The following PCLO variants were observed in gnomAD, a reference collection of about 807,000 sequenced individuals.
PCLO encodes the protein piccolo presynaptic cytomatrix protein.
In PCLO, 82 loss-of-function variants were observed where a neutral mutation model predicts 427.5. The observed-to-expected ratio is 0.19, with a 90% confidence interval of 0.16 to 0.23. The LOEUF (loss-of-function observed/expected upper bound fraction) is 0.23, where lower values mean the gene tolerates loss of function less well. Among genes scored for constraint, PCLO ranks in the 10% least tolerant of loss-of-function variants. The probability of loss-of-function intolerance (pLI) is 1.00; values close to 1 mark genes in which losing one functional copy is unlikely to be tolerated. For missense variants in PCLO, 6,239 were observed against 6,115.9 expected, an observed-to-expected ratio of 1.02 and a Z score of -0.67; for synonymous variants, 2,357 against 2,155.4, an observed-to-expected ratio of 1.09 and a Z score of -2.59.
At chr7:83,068,031 T>C (rs2116341052) in intron 3 of PCLO, among the ~76,000 whole-genome samples, 1 of 152,348 alleles carries the variant, frequency 6.6e-6, no homozygotes. Context: ...TAGGTATACA[T>C]AAGAATTCTC....
chr7:82,812,039 T>C (rs1791582980), intron 20 of PCLO, among the ~76,000 whole-genome samples: 1 of 151,456 alleles, frequency 6.6e-6, no homozygotes, highest in Non-Finnish European at 1.5e-5. Context: ...CCTTAAGATA[T>C]GTCATATTCA....
At chr7:82,762,300 G>A (rs529636427) in intron 22 of PCLO, among the ~76,000 whole-genome samples, 23 of 152,062 alleles carry the variant, frequency 1.5e-4, no homozygotes, top group South Asian at 6.2e-4. Flanking sequence ...TAGGTGAGAC[G>A]GATTAGGAAG....
chr7:82,999,377 ATAT>A (rs1787721864), intron 3 of PCLO, among the ~76,000 whole-genome samples: 2 of 128,046 alleles, frequency 1.6e-5, no homozygotes, highest in African/African-American at 6.0e-5. Flanking sequence ...TATATATTAC[ATAT>A]TATTCCATTA....
intron 3 of PCLO, among the ~76,000 whole-genome samples, chr7:82,977,338 TTC>T (rs1202995971): frequency 1.3e-5 from 2 of 151,236 alleles, no homozygotes; most frequent in Non-Finnish European, 2.9e-5. Flanking sequence ...TTTTTCCTTT[TTC>T]TGTTTTTTCA....
intron 3 of PCLO, among the ~76,000 whole-genome samples, chr7:83,015,792 A>G (rs953492009): frequency 2.6e-5 from 4 of 152,112 alleles, no homozygotes; most frequent in Non-Finnish European, 5.9e-5. Context: ...TCTTTTTTAA[A>G]GTTTGTTTTC....
At chr7:83,087,538 AC>A (rs1460220430) in intron 3 of PCLO, among the ~76,000 whole-genome samples, 1 of 152,178 alleles carries the variant, frequency 6.6e-6, no homozygotes, top group African/African-American at 2.4e-5. Flanking sequence ...CCTAATGAAT[AC>A]TTAGTAGCCT....
chr7:82,935,077 C>A (rs904461621), intron 6 of PCLO, among the ~76,000 whole-genome samples: 2 of 150,320 alleles, frequency 1.3e-5, no homozygotes, highest in Non-Finnish European at 3.0e-5. Flanking sequence ...AGCTAAATGC[C>A]TTTCCTAAAA....
intron 3 of PCLO, among the ~76,000 whole-genome samples, chr7:83,004,241 T>G (rs1787892458): frequency 6.6e-6 from 1 of 151,802 alleles, no homozygotes; most frequent in Non-Finnish European, 1.5e-5. Flanking sequence ...GGTATCATAC[T>G]TCTTGATTTC....
In PCLO at chr7:82,865,466, C is replaced by T. The variant is rs1204245611; in HGVS notation, c.13654+13871G>A. Among the ~76,000 whole-genome samples the T allele has an allele frequency of 4.0e-5, 6 of 151,888 alleles. No individual in the cohort carries two copies. In the East Asian group the frequency reaches 7.7e-4, roughly 20 times the overall value. ...TCGCGCCATTGCACTCCAGCCTGGG[C>T]GACAGAGCAAGATGCCGTCTCAGAA... On this transcript the variant is annotated intron_variant, in intron 10 of 24. Transcript: ENST00000333891.
chr7:82,760,359 A>T (rs2129467519), intron 24 of PCLO, among the ~76,000 whole-genome samples: 1 of 152,044 alleles, frequency 6.6e-6, no homozygotes, highest in East Asian at 1.9e-4. Context: ...AATAACAAAG[A>T]TGGGGGCCCA....
chr7:83,115,205 T>C (rs1386719624), intron 3 of PCLO, among the ~76,000 whole-genome samples: 1 of 152,104 alleles, frequency 6.6e-6, no homozygotes, highest in Non-Finnish European at 1.5e-5. Context: ...TGTGTTCTAA[T>C]TGGCTTCCCC....
intron 10 of PCLO, chr7:82,868,038 TG>T: frequency 2.3e-6 from 1 of 436,660 alleles, no homozygotes; most frequent in Non-Finnish European, 4.6e-6. Flanking sequence ...ATGTGGTCTG[TG>T]TCATGTGTAC....
intron 3 of PCLO, among the ~76,000 whole-genome samples, chr7:83,042,455 A>T (rs1305325952): frequency 6.6e-6 from 1 of 152,180 alleles, no homozygotes; most frequent in Non-Finnish European, 1.5e-5. Context: ...AAAAAGTATA[A>T]ATAAATTTGG....
chr7:82,993,584 A>C (rs551333225), intron 3 of PCLO, among the ~76,000 whole-genome samples: 1 of 152,016 alleles, frequency 6.6e-6, no homozygotes, highest in African/African-American at 2.4e-5. Flanking sequence ...TTTTAGCAAT[A>C]ACGTCTTTTT....
intron 9 of PCLO, among the ~76,000 whole-genome samples, chr7:82,880,685 G>A (rs1793485380): frequency 6.6e-6 from 1 of 152,118 alleles, no homozygotes; most frequent in East Asian, 1.9e-4. Context: ...ATCCTACAAT[G>A]CACAGGGTAT....
chr7:83,043,334 T>C (rs1255081824), intron 3 of PCLO, among the ~76,000 whole-genome samples: 2 of 152,188 alleles, frequency 1.3e-5, no homozygotes, highest in Non-Finnish European at 2.9e-5. Context: ...TCAGTACATA[T>C]AAATTCCTTG....
intron 3 of PCLO, among the ~76,000 whole-genome samples, chr7:82,975,462 A>G (rs1295697945): frequency 6.6e-6 from 1 of 152,194 alleles, no homozygotes; most frequent in Non-Finnish European, 1.5e-5. Context: ...GGTGGGTCAC[A>G]CTAGACTGTC....
Position 83,043,361 on chromosome 7 carries a change from T to C in PCLO, c.3301-76874A>G, listed in dbSNP as rs922009842. Among the ~76,000 whole-genome samples, 41 of 152,320 alleles carry C rather than the reference T, an allele frequency of 2.7e-4. 1 individual carries two copies. Among genetic ancestry groups the C allele is most frequent in the Admixed American group, 2.7e-3 (41 of 15,296 alleles). On this transcript the variant is annotated intron_variant, in intron 3 of 24. Coordinates refer to ENST00000333891, the MANE Select transcript of PCLO (RefSeq NM_033026.6). ...AATTCCTTGAATACAGAGAAGGATA[T>C]GACTAGTTGATTTTTGTTTCTTCAT...
At chr7:83,162,204 C>T in intron 1 of PCLO, 141 bp downstream of exon 1, 1 of 979,390 alleles carries the variant, frequency 1.0e-6, no homozygotes. Context: ...CTTAGGATCT[C>T]TCTATGGCCA....
Sources: gnomAD v4.1 joint callset for allele counts (sites outside exome capture counted in the v4.1 genomes callset) on GRCh38, gnomAD v4.1.1 for gene constraint, MANE v1.5 for transcripts, NCBI Gene and HGNC (gene_info 2026-07-23, HGNC 2026-07-21) for gene names.